LRBA: variants seen among roughly 807,000 people sequenced by gnomAD.
The protein encoded by LRBA is LPS responsive beige-like anchor protein, also known as lipopolysaccharide-responsive and beige-like anchor protein.
LRBA carries 176 observed loss-of-function variants against 330.0 expected under a neutral mutation model. The observed-to-expected ratio is 0.53, with a 90% confidence interval of 0.47 to 0.60. LRBA has a LOEUF of 0.60. LRBA is among the 20% of genes least tolerant of loss of function. The probability of loss-of-function intolerance (pLI) is 0.00; values close to 1 mark genes in which losing one functional copy is unlikely to be tolerated. For synonymous variants in LRBA, 1,230 were observed against 1,193.0 expected, an observed-to-expected ratio of 1.03 and a Z score of -0.64; for missense variants, 3,259 against 3,444.8, an observed-to-expected ratio of 0.95 and a Z score of 1.35.
rs1756152257 is a variant in LRBA at position 150,471,727 on chromosome 4, T to C, written c.6564A>G (p.Leu2188=). The change falls in exon 43 of 57, where the codon TTA becomes TTG. Residue 2188 remains leucine, a synonymous_variant. Transcript: ENST00000651943. ...CCTTAAAAAGCTGACGTGGACTAGC[T>C]AATGAAATACGTCTGCAAGAAAAAG... is the stretch of plus-strand genomic sequence containing the variant. The part of the protein sequence containing the change: ...FGLPQTRRIS[L]ASPRQLFKAS... 2 of 1,533,210 alleles carry C rather than the reference T, an allele frequency of 1.3e-6. No homozygotes were observed. Among genetic ancestry groups the C allele is most frequent in the Non-Finnish European group, 1.8e-6 (2 of 1,112,802 alleles). 95.0% of individuals were successfully genotyped at this position (1,533,210 alleles called of 1,614,324 possible).
intron 37 of LRBA, among the ~76,000 whole-genome samples, chr4:150,649,668 G>C (rs916283857): frequency 6.6e-6 from 1 of 151,938 alleles, no homozygotes; most frequent in Non-Finnish European, 1.5e-5. Context: ...CTCCAATAAA[G>C]TTCACTAGGA....
chr4:150,343,862 C>G (rs976165611), intron 48 of LRBA, among the ~76,000 whole-genome samples: 2 of 152,318 alleles, frequency 1.3e-5, no homozygotes, highest in South Asian at 4.1e-4. Flanking sequence ...TAAATATTAT[C>G]TCATCCTTAG....
chr4:150,351,397 A>C (rs2127061690), intron 47 of LRBA, among the ~76,000 whole-genome samples: 1 of 152,316 alleles, frequency 6.6e-6, no homozygotes, highest in East Asian at 1.9e-4. Flanking sequence ...CTTAATTAAA[A>C]GTATACAGTA....
intron 36 of LRBA, among the ~76,000 whole-genome samples, chr4:150,731,485 T>C (rs575001228): frequency 6.6e-6 from 1 of 152,312 alleles, no homozygotes; most frequent in East Asian, 1.9e-4. Flanking sequence ...TTCTTTCCCA[T>C]TTGCAACAAC....
At position 150,622,986 on chromosome 4, in the gene LRBA, C is replaced by G. The variant is rs537840828; in HGVS notation, c.5922-23855G>C. Among the ~76,000 whole-genome samples the G allele has an allele frequency of 1.7e-3, 253 of 152,224 alleles. 2 individuals are homozygous for G. The highest frequency in any genetic ancestry group is 3.4e-3 in the Middle Eastern group (1 of 292). ...TGTTGGGATTACAGGCGTGAGCCAC[C>G]GCGCCCGGCCAACAATCTTAAGGCT... On this transcript the variant is annotated intron_variant, in intron 37 of 56. Coordinates refer to ENST00000651943, the MANE Select transcript of LRBA (RefSeq NM_001364905.1).
At chr4:150,561,862 A>G (rs1171567382) in intron 40 of LRBA, among the ~76,000 whole-genome samples, 1 of 152,178 alleles carries the variant, frequency 6.6e-6, no homozygotes, top group Non-Finnish European at 1.5e-5. Context: ...GCAGGAATCA[A>G]TTCCTGTACT....
At chr4:150,418,841 T>C (rs1262803523) in intron 46 of LRBA, among the ~76,000 whole-genome samples, 1 of 151,962 alleles carries the variant, frequency 6.6e-6, no homozygotes, top group Non-Finnish European at 1.5e-5. Context: ...AAACAGAGAG[T>C]ATATGAGGTA....
At chr4:150,906,136 G>A in intron 12 of LRBA, 146 bp from the exon 13 acceptor site, 1 of 809,278 alleles carries the variant, frequency 1.2e-6, no homozygotes, top group Non-Finnish European at 2.0e-6. Flanking sequence ...TTGTTTGATA[G>A]AGGAATGGAG....
chr4:150,362,458 G>A (rs1208780513), intron 47 of LRBA, among the ~76,000 whole-genome samples: 1 of 152,106 alleles, frequency 6.6e-6, no homozygotes, highest in Non-Finnish European at 1.5e-5. Context: ...ACCTAGCCAA[G>A]TCACTGCTCT....
intron 37 of LRBA, among the ~76,000 whole-genome samples, chr4:150,678,680 T>A (rs1382649158): frequency 6.6e-6 from 1 of 152,206 alleles, no homozygotes; most frequent in African/African-American, 2.4e-5. Context: ...AAATGTTACC[T>A]TTATTAAGCC....
chr4:150,779,401 T>G (rs934086455), intron 34 of LRBA, among the ~76,000 whole-genome samples: 1 of 152,064 alleles, frequency 6.6e-6, no homozygotes, highest in Non-Finnish European at 1.5e-5. Context: ...TAAAATGATA[T>G]AAAGTATTAG....
At chr4:150,830,727 G>A (rs1429717148) in intron 29 of LRBA, among the ~76,000 whole-genome samples, 2 of 149,734 alleles carry the variant, frequency 1.3e-5, no homozygotes, top group Non-Finnish European at 3.0e-5. Flanking sequence ...TGCCCTCTAC[G>A]CTATATCCTC....
chr4:150,423,616 T>C (rs554586434), intron 46 of LRBA: 25 of 311,566 alleles, frequency 8.0e-5, no homozygotes, highest in South Asian at 7.7e-4. Flanking sequence ...AATGGTGAAA[T>C]GTCCTCACCA....
At chr4:150,346,884 A>G (rs1172705515) in intron 48 of LRBA, among the ~76,000 whole-genome samples, 6 of 152,118 alleles carry the variant, frequency 3.9e-5, no homozygotes, top group Admixed American at 2.0e-4. Flanking sequence ...AAGAATTGAA[A>G]GCAGGCATTT....
At chr4:150,812,410 G>A (rs890441542) in intron 31 of LRBA, among the ~76,000 whole-genome samples, 1 of 152,102 alleles carries the variant, frequency 6.6e-6, no homozygotes, top group African/African-American at 2.4e-5. Flanking sequence ...GTAGGCAATT[G>A]TTTATTTAAG....
chr4:150,719,488 AAAAT>A (rs1310295828), intron 36 of LRBA, among the ~76,000 whole-genome samples: 2 of 152,130 alleles, frequency 1.3e-5, no homozygotes, highest in African/African-American at 2.4e-5. Flanking sequence ...AAATTAGCAA[AAAAT>A]AAATAAATAA....
At chr4:150,571,649 GTTTTTTT>G (rs58652637) in intron 40 of LRBA, among the ~76,000 whole-genome samples, 5 of 74,594 alleles carry the variant, frequency 6.7e-5, no homozygotes, top group East Asian at 9.0e-4. Flanking sequence ...CTGGTTAGTT[GTTTTTTT>G]TTTTTTTTTT....
At chr4:150,381,876 G>A (rs909107594) in intron 47 of LRBA, among the ~76,000 whole-genome samples, 1 of 152,178 alleles carries the variant, frequency 6.6e-6, no homozygotes, top group Non-Finnish European at 1.5e-5. Context: ...GGTATCTCAC[G>A]TGAGGTGGTG....
chr4:150,581,311 C>A (rs902982356), intron 40 of LRBA: 1 of 444,906 alleles, frequency 2.2e-6, no homozygotes, highest in Non-Finnish European at 4.5e-6. Flanking sequence ...GATTTATAAA[C>A]CCTCACCTTA....
Sources: allele counts gnomAD v4.1 joint callset (sites outside exome capture counted in the v4.1 genomes callset), GRCh38; gene constraint gnomAD v4.1.1; transcripts MANE v1.5; gene names NCBI Gene and HGNC (gene_info 2026-07-23, HGNC 2026-07-21).